Variants in STYX observed in about 807,000 individuals in gnomAD.
The protein encoded by STYX is serine/threonine/tyrosine interacting protein.
STYX carries 20 observed loss-of-function variants against 42.7 expected under a neutral mutation model. The ratio of observed to expected loss-of-function variants is 0.47; its 90% CI spans 0.33 to 0.68. The LOEUF is 0.68. STYX is among the 30% of genes least tolerant of loss of function. STYX has a pLI of 0.02. For synonymous variants in STYX, 78 were observed against 81.9 expected, an observed-to-expected ratio of 0.95 and a Z score of 0.26; for missense variants, 226 against 268.5, an observed-to-expected ratio of 0.84 and a Z score of 1.11.
chr14:52,771,072 G>A lies in STYX; in HGVS notation c.638G>A (p.Gly213Glu). ...KRTHEEEDDF[G>E]TMQVATAQNG ...ACACATGAAGAAGAGGATGATTTTGGAACCATGCAAGTGGCGACTGCACAG... is the reference window on the plus strand; with the variant it reads ...ACACATGAAGAAGAGGATGATTTTGAAACCATGCAAGTGGCGACTGCACAG... The change falls in exon 11 of 11, where the codon GGA becomes GAA. Residue 213 changes from glycine to glutamate, a missense_variant. By Grantham distance (98) the Gly-to-Glu change is moderately conservative (BLOSUM62 -2). Coordinates refer to ENST00000354586, the MANE Select transcript of STYX (RefSeq NM_145251.4). 6.2e-7 allele frequency: 1 copy of A among 1,612,846 alleles called. No homozygotes were observed. The highest frequency in any genetic ancestry group is 8.5e-7 in the Non-Finnish European group (1 of 1,179,138).
At chr14:52,743,289 A>G (rs1881267033) in intron 1 of STYX, among the ~76,000 whole-genome samples, 1 of 151,996 alleles carries the variant, frequency 6.6e-6, no homozygotes, top group Admixed American at 6.6e-5. Flanking sequence ...TGTGTTAAAA[A>G]TACTTTTCTG....
chr14:52,733,340 CTT>C lies in STYX; in HGVS notation c.57+2816_57+2817del, dbSNP rs539010484. On this transcript the variant is annotated intron_variant, in intron 1 of 10. Coordinates refer to ENST00000354586, the MANE Select transcript of STYX (RefSeq NM_145251.4). ...TCTGTGTGGGACTTGAAAACACACT[CTT>C]TTTTTTATGCTACCAGATGTGTGGG... 2.0e-3 allele frequency among the ~76,000 whole-genome samples: 306 copies of C among 152,028 alleles called. 2 individuals carry two copies. The highest frequency in any genetic ancestry group is 7.1e-3 in the African/African-American group (294 of 41,420).
chr14:52,766,911 A>C (rs1287437897), intron 9 of STYX, among the ~76,000 whole-genome samples: 1 of 151,714 alleles, frequency 6.6e-6, no homozygotes, highest in Non-Finnish European at 1.5e-5. Flanking sequence ...TGTTTCATTA[A>C]ATATTTATTT....
rs1453656173 is a variant in STYX at position 52,772,850 on chromosome 14, T to TA, written c.*1746dup. The TA allele has an allele frequency of 6.6e-6, 1 of 152,092 alleles. No homozygotes were observed. The highest frequency in any genetic ancestry group is 1.5e-5 in the Non-Finnish European group (1 of 68,010). The allele number at this position is 152,092 out of a possible 1,614,324, so 9.4% of individuals were successfully genotyped here. On this transcript the variant is annotated 3_prime_UTR_variant, in exon 11 of 11. Coordinates refer to ENST00000354586, the MANE Select transcript of STYX (RefSeq NM_145251.4). ...TACCACTGTGAAAACAGCATATTGT[T>TA]AATCTCGTTGTCGTCCAGTATTCTG...
At chr14:52,742,718 A>C (rs965343127) in intron 1 of STYX, among the ~76,000 whole-genome samples, 1 of 152,146 alleles carries the variant, frequency 6.6e-6, no homozygotes, top group Non-Finnish European at 1.5e-5. Flanking sequence ...GTTTCTTTAT[A>C]GTATTAAAAC....
intron 5 of STYX, 90 bp downstream of exon 5, chr14:52,756,701 T>G: frequency 2.2e-6 from 1 of 464,838 alleles, no homozygotes; most frequent in South Asian, 3.0e-5. Flanking sequence ...TTTTTTTTTT[T>G]TTGAGACAAG....
chr14:52,759,816 T>C, intron 9 of STYX, 62 bp downstream of exon 9: 1 of 1,082,930 alleles, frequency 9.2e-7, no homozygotes, highest in Non-Finnish European at 1.4e-6. Context: ...ATACATGTAA[T>C]TTAGGTGTAC....
intron 9 of STYX, among the ~76,000 whole-genome samples, chr14:52,766,687 T>G (rs1015915935): frequency 5.3e-5 from 8 of 152,214 alleles, no homozygotes; most frequent in Non-Finnish European, 8.8e-5. Flanking sequence ...ATTCAAGCCT[T>G]CCCTGATTTC....
intron 1 of STYX, among the ~76,000 whole-genome samples, chr14:52,732,266 CTT>C (rs529730082): frequency 7.1e-5 from 8 of 112,278 alleles, no homozygotes; most frequent in African/African-American, 7.2e-5. Flanking sequence ...CCAGGCCCAG[CTT>C]TTTTTTTTTT....
At chr14:52,769,944 T>C (rs1218843065) in intron 10 of STYX, among the ~76,000 whole-genome samples, 1 of 152,114 alleles carries the variant, frequency 6.6e-6, no homozygotes, top group Non-Finnish European at 1.5e-5. Flanking sequence ...TTTTTTGGTT[T>C]CTTTCTCTCA....
chr14:52,734,489 C>T (rs1461950344), intron 1 of STYX, among the ~76,000 whole-genome samples: 1 of 152,180 alleles, frequency 6.6e-6, no homozygotes, highest in African/African-American at 2.4e-5. Context: ...TAAATCACTT[C>T]ATTAGCATAA....
chr14:52,736,402 G>A (rs2139879314), intron 1 of STYX, among the ~76,000 whole-genome samples: 1 of 152,320 alleles, frequency 6.6e-6, no homozygotes, highest in African/African-American at 2.4e-5. Flanking sequence ...TCATAAGAGA[G>A]CTTAGATATT....
At chr14:52,747,072 AAAAC>A (rs987693620) in intron 3 of STYX, among the ~76,000 whole-genome samples, 10 of 152,260 alleles carry the variant, frequency 6.6e-5, no homozygotes, top group South Asian at 2.1e-4. Context: ...GCAAATAGGC[AAAAC>A]AAACAAATCC....
At position 52,773,339 on chromosome 14, in the gene STYX, AGAT is replaced by A. The variant is rs1882591412; in HGVS notation, c.*2234_*2236del. On this transcript the variant is annotated 3_prime_UTR_variant, in exon 11 of 11. Transcript: ENST00000354586. ...TGTATATATATATATATAGATAGAT[AGAT>A]TTTTTTTTTTTTTTGAGACAGAGTC... The A allele has an allele frequency of 3.1e-5, 2 of 64,462 alleles. No individual in the cohort carries two copies. Among genetic ancestry groups the A allele is most frequent in the Non-Finnish European group, 6.9e-5 (2 of 29,012 alleles). The allele number at this position is 64,462 out of a possible 1,614,324, so 4.0% of individuals were successfully genotyped here.
intron 6 of STYX, 36 bp from the exon 7 acceptor site, chr14:52,757,707 G>A (rs1466837787): frequency 6.2e-7 from 1 of 1,607,298 alleles, no homozygotes; most frequent in Non-Finnish European, 8.5e-7. Flanking sequence ...TGACTCAGGT[G>A]TTTTTCTATT....
At chr14:52,768,299 C>T (rs1882386906) in intron 9 of STYX, among the ~76,000 whole-genome samples, 2 of 152,148 alleles carry the variant, frequency 1.3e-5, no homozygotes, top group Non-Finnish European at 1.5e-5. Flanking sequence ...ACACCAAAAG[C>T]CTTTTTCATG....
At chr14:52,735,607 C>T (rs1299804632) in intron 1 of STYX, among the ~76,000 whole-genome samples, 5 of 152,178 alleles carry the variant, frequency 3.3e-5, no homozygotes, top group Non-Finnish European at 7.4e-5. Flanking sequence ...TTCTAATCTC[C>T]AGTGAGATAA....
intron 3 of STYX, among the ~76,000 whole-genome samples, chr14:52,749,566 C>T (rs1881530171): frequency 6.6e-6 from 1 of 152,084 alleles, no homozygotes; most frequent in African/African-American, 2.4e-5. Context: ...ATACTTGATA[C>T]TTAAGTGAAT....
chr14:52,730,273 C>A lies in STYX; in HGVS notation c.-202C>A. The A allele has an allele frequency of 5.1e-6, 3 of 590,512 alleles. No homozygotes were observed. The highest frequency in any genetic ancestry group is 9.1e-6 in the Non-Finnish European group (3 of 330,824). 36.6% of individuals were successfully genotyped at this position (590,512 alleles called of 1,614,324 possible). A position where few individuals can be genotyped will look rare whatever the true frequency, so the allele number is the denominator to read the frequency against. ...GGCGGCCGGGTGTAAGACGCCCGAC[C>A]CTCCTCTTCCCTGTCTTCGCCGCCG... On this transcript the variant is annotated 5_prime_UTR_variant, in exon 1 of 11. Coordinates refer to ENST00000354586, the MANE Select transcript of STYX (RefSeq NM_145251.4).
Sources: allele counts gnomAD v4.1 joint callset (sites outside exome capture counted in the v4.1 genomes callset), GRCh38; gene constraint gnomAD v4.1.1; transcripts MANE v1.5; gene names NCBI Gene and HGNC (gene_info 2026-07-23, HGNC 2026-07-21).